The following CUX1 variants were observed in gnomAD, a reference collection of about 807,000 sequenced individuals.
CUX1 encodes protein CASP.
Under a neutral mutation model 158.8 loss-of-function variants are expected in CUX1, and 31 were observed. That is an observed-to-expected ratio of 0.20 (90% confidence interval 0.15 to 0.26). The LOEUF (loss-of-function observed/expected upper bound fraction) is 0.26. CUX1 is among the 10% of genes least tolerant of loss of function. CUX1 has a pLI of 1.00. For missense variants in CUX1, 1,589 were observed against 2,014.6 expected (o/e 0.79, Z 4.04); for synonymous variants, 879 against 862.1 (o/e 1.02, Z -0.34).
Position 102,231,116 on chromosome 7 carries a change from G to A in CUX1, c.3434-2936G>A, listed in dbSNP as rs189215585. 5.2e-3 allele frequency among the ~76,000 whole-genome samples: 763 copies of A among 146,386 alleles called. 3 individuals carry two copies. The highest frequency in any genetic ancestry group is 0.018 in the African/African-American group (707 of 39,302). On this transcript the variant is annotated intron_variant, in intron 21 of 23. Coordinates refer to ENST00000292535, the MANE Select transcript of CUX1 (RefSeq NM_181552.4). ...GCGATCTCGGCTTACTGCAATCTCC[G>A]CCTCCCAGGTTCACGCCATTCTCCT...
At chr7:102,051,430 C>T (rs1464797260) in intron 3 of CUX1, among the ~76,000 whole-genome samples, 1 of 151,826 alleles carries the variant, frequency 6.6e-6, no homozygotes, top group African/African-American at 2.4e-5. Context: ...GGCGTATCAC[C>T]TGAGCTCAGG....
intron 20 of CUX1, among the ~76,000 whole-genome samples, chr7:102,216,580 TCTCC>T (rs1563424900): frequency 7.6e-4 from 9 of 11,920 alleles, no homozygotes; most frequent in Middle Eastern, 0.038. Flanking sequence ...ACACACACAC[TCTCC>T]CACACACACA....
chr7:101,845,672 C>T (rs1478716925), intron 1 of CUX1, among the ~76,000 whole-genome samples: 5 of 152,158 alleles, frequency 3.3e-5, no homozygotes, highest in Admixed American at 3.3e-4. Flanking sequence ...CCTTGCTAGG[C>T]AAAGTGATTC....
chr7:101,913,974 T>C (rs1584962563), intron 1 of CUX1, among the ~76,000 whole-genome samples: 1 of 152,170 alleles, frequency 6.6e-6, no homozygotes, highest in Non-Finnish European at 1.5e-5. Context: ...ATTGTTTATA[T>C]TTTTGAAGAG....
At chr7:102,111,940 TG>T (rs1554490276) in intron 7 of CUX1, 166 bp downstream of exon 7, 11 of 597,894 alleles carry the variant, frequency 1.8e-5, no homozygotes, top group Non-Finnish European at 3.3e-5. Context: ...CGCCAGCTGC[TG>T]CGCCTCATTC....
chr7:101,927,738 A>T (rs556134362), intron 2 of CUX1, among the ~76,000 whole-genome samples: 11 of 152,358 alleles, frequency 7.2e-5, no homozygotes, highest in Admixed American at 2.0e-4. Context: ...TTTCTGGGCC[A>T]AAGGCCCAGA....
intron 8 of CUX1, among the ~76,000 whole-genome samples, chr7:102,128,609 G>A (rs1171808393): frequency 6.6e-6 from 1 of 151,582 alleles, no homozygotes; most frequent in Non-Finnish European, 1.5e-5. Context: ...GTAAAGACCT[G>A]GGTTTAATTC....
At chr7:102,189,903 C>T (rs1306402381) in intron 12 of CUX1, 32 bp downstream of exon 12, 15 of 1,608,648 alleles carry the variant, frequency 9.3e-6, no homozygotes, top group East Asian at 4.5e-5. Context: ...GCCCCTCACA[C>T]GCTGGGGCGC....
intron 15 of CUX1, among the ~76,000 whole-genome samples, chr7:102,198,095 C>T (rs950321654): frequency 6.6e-6 from 1 of 151,924 alleles, no homozygotes; most frequent in African/African-American, 2.4e-5. Context: ...TTTTGATCTA[C>T]AAAAAAATCA....
intron 1 of CUX1, among the ~76,000 whole-genome samples, chr7:101,853,493 C>A (rs1796481107): frequency 2.6e-5 from 4 of 152,056 alleles, no homozygotes; most frequent in Admixed American, 2.6e-4. Context: ...TTCCTCGTTT[C>A]CCTCTTTGTT....
At position 102,069,083 on chromosome 7, in the gene CUX1, C is replaced by T. The variant is rs149998934; in HGVS notation, c.190-1256C>T. Among the ~76,000 whole-genome samples the T allele has an allele frequency of 3.9e-4, 60 of 152,292 alleles. 1 individual carries two copies. The highest frequency in any genetic ancestry group is 1.3e-3 in the African/African-American group (56 of 41,562). On this transcript the variant is annotated intron_variant, in intron 3 of 23. Coordinates refer to ENST00000292535, the MANE Select transcript of CUX1 (RefSeq NM_181552.4). ...TGGGCCTCACGTCAACTGTGTGTGT[C>T]GCTGATCTCTCCAGCCGCCCTCTCC...
chr7:101,849,700 A>T (rs1371931858), intron 1 of CUX1, among the ~76,000 whole-genome samples: 2 of 152,146 alleles, frequency 1.3e-5, no homozygotes, highest in East Asian at 3.9e-4. Flanking sequence ...ATACTCAGTC[A>T]TGAGATTGCT....
intron 20 of CUX1, among the ~76,000 whole-genome samples, chr7:102,210,961 A>T (rs1796449389): frequency 6.6e-6 from 1 of 152,224 alleles, no homozygotes; most frequent in African/African-American, 2.4e-5. Context: ...CCCACCAGAC[A>T]GCCAGGAACA....
At chr7:102,132,550 G>A (rs1462851572) in intron 8 of CUX1, among the ~76,000 whole-genome samples, 1 of 151,550 alleles carries the variant, frequency 6.6e-6, no homozygotes, top group Non-Finnish European at 1.5e-5. Context: ...AGAAACTGAG[G>A]GTATTTCGTC....
Position 102,256,839 on chromosome 7 carries a change from G to C in CUX1, c.*7797G>C, listed in dbSNP as rs536870075. The stretch of plus-strand genomic sequence containing the variant: ...GAGAGAGTGATTTCTTGCAAGGCCC[G>C]CATGGGTTGATACGTTTTGGTTGGT... On this transcript the variant is annotated 3_prime_UTR_variant, in exon 24 of 24. Transcript: ENST00000292535. 4.1e-6 allele frequency: 4 copies of C among 985,318 alleles called. No homozygotes were observed. Among genetic ancestry groups the C allele is most frequent in the Non-Finnish European group, 4.8e-6 (4 of 829,968 alleles). 61.0% of individuals were successfully genotyped at this position (985,318 alleles called of 1,614,324 possible).
intron 5 of CUX1, among the ~76,000 whole-genome samples, chr7:102,103,595 C>G (rs1665463994): frequency 1.3e-5 from 2 of 152,122 alleles, no homozygotes; most frequent in Admixed American, 6.6e-5. Context: ...GCTACCACGT[C>G]CAGCTAATTC....
At chr7:101,836,854 G>A (rs1562907575) in intron 1 of CUX1, among the ~76,000 whole-genome samples, 1 of 152,168 alleles carries the variant, frequency 6.6e-6, no homozygotes, top group East Asian at 1.9e-4. Flanking sequence ...CATGGGTGCG[G>A]TGGGGGGCAG....
At chr7:101,870,491 T>G (rs1267729752) in intron 1 of CUX1, among the ~76,000 whole-genome samples, 1 of 152,120 alleles carries the variant, frequency 6.6e-6, no homozygotes, top group Non-Finnish European at 1.5e-5. Flanking sequence ...GAGGGGGTGG[T>G]GCTATTTATC....
Position 102,255,165 on chromosome 7 carries a change from C to G in CUX1, c.*6123C>G. 2 of 985,504 alleles carry G rather than the reference C, an allele frequency of 2.0e-6. No individual in the cohort carries two copies. Among genetic ancestry groups the G allele is most frequent in the Non-Finnish European group, 2.4e-6 (2 of 830,000 alleles). The allele number at this position is 985,504 out of a possible 1,614,324, so 61.0% of individuals were successfully genotyped here. A position where few individuals can be genotyped will look rare whatever the true frequency, so the allele number is the denominator to read the frequency against. ...AGGGGAATAGAAGGAAATGCAATTT[C>G]CGCCTGTCTGCCCGACTTCCAAAAA... On this transcript the variant is annotated 3_prime_UTR_variant, in exon 24 of 24. Transcript: ENST00000292535.
Sources: allele counts gnomAD v4.1 joint callset (sites outside exome capture counted in the v4.1 genomes callset), GRCh38; gene constraint gnomAD v4.1.1; transcripts MANE v1.5; gene names NCBI Gene and HGNC (gene_info 2026-07-23, HGNC 2026-07-21).